Variants in STARD13 observed in about 807,000 individuals in gnomAD.
The protein encoded by STARD13 is stAR-related lipid transfer protein 13.
A neutral mutation model predicts 106.4 loss-of-function variants in STARD13; 62 were observed. That is an observed-to-expected ratio of 0.58 (90% CI 0.48 to 0.72). The LOEUF (loss-of-function observed/expected upper bound fraction) is 0.72. Among genes scored for constraint, STARD13 ranks in the 30% least tolerant of loss-of-function variants. The pLI is 0.00. For synonymous variants in STARD13, 565 were observed against 553.0 expected, an observed-to-expected ratio of 1.02 and a Z score of -0.31; for missense variants, 1,387 against 1,424.0, an observed-to-expected ratio of 0.97 and a Z score of 0.42.
chr13:33,552,272 C>T, the STARD13 span, among the ~76,000 whole-genome samples: 1 of 152,154 alleles, frequency 6.6e-6, no homozygotes, highest in South Asian at 2.1e-4. Context: ...TTAACACTTA[C>T]ACAACACGAT....
chr13:33,599,709 AGAGT>A, the STARD13 span, among the ~76,000 whole-genome samples: 23 of 152,318 alleles, frequency 1.5e-4, no homozygotes, highest in South Asian at 4.1e-3. Context: ...TATGAGAGAG[AGAGT>A]GAGAGGGAGA....
At chr13:33,465,865 T>C in the STARD13 span, among the ~76,000 whole-genome samples, 7 of 152,168 alleles carry the variant, frequency 4.6e-5, no homozygotes, top group East Asian at 1.9e-4. Context: ...CTTAGAAATA[T>C]GCTATCTCAT....
At chr13:33,308,520 CT>C (rs552526416) in intron 1 of STARD13, among the ~76,000 whole-genome samples, 1,232 of 88,600 alleles carry the variant, frequency 0.014, 15 homozygotes, top group African/African-American at 0.047. Context: ...CTTTTTCTTT[CT>C]TTTTTTTTTT....
chr13:33,118,541 ATGT>A (rs1875757640), intron 7 of STARD13, among the ~76,000 whole-genome samples: 1 of 152,166 alleles, frequency 6.6e-6, no homozygotes, highest in African/African-American at 2.4e-5. Context: ...CACACTGCAG[ATGT>A]TATTATTATT....
chr13:33,556,774 G>A, the STARD13 span, among the ~76,000 whole-genome samples: 1 of 151,752 alleles, frequency 6.6e-6, no homozygotes, highest in South Asian at 2.1e-4. Context: ...AACTTTTTTT[G>A]TGTGTTTGTG....
Position 33,112,825 on chromosome 13 carries a change from G to T in STARD13, c.2388C>A (p.Val796=), listed in dbSNP as rs755688487. 2 of 1,613,908 alleles carry T rather than the reference G, an allele frequency of 1.2e-6. No homozygotes were observed. Among genetic ancestry groups the T allele is most frequent in the Middle Eastern group, 1.7e-4 (1 of 6,060 alleles). Residue 796 remains valine (V), a synonymous_variant, in exon 9 of 14, where the codon GTC becomes GTA. Transcript: ENST00000336934. ...LQTLLCFLND[V]VNLVEENQMT... is the part of the protein sequence containing the mutation. ...TCTGATTCTCTTCCACCAAGTTGAC[G>T]ACGTCGTTCAGGAAACACAAGAGCG... is the stretch of plus-strand genomic sequence containing the variant.
chr13:33,506,531 C>T, the STARD13 span, among the ~76,000 whole-genome samples: 1 of 152,094 alleles, frequency 6.6e-6, no homozygotes, highest in African/African-American at 2.4e-5. Context: ...TGGTGTTGAT[C>T]CAAATGGATG....
At chr13:33,205,155 A>G (rs1321702274) in intron 1 of STARD13, among the ~76,000 whole-genome samples, 1 of 152,230 alleles carries the variant, frequency 6.6e-6, no homozygotes, top group Admixed American at 6.5e-5. Flanking sequence ...CAACAGCCCA[A>G]GTCCAACTTT....
the STARD13 span, among the ~76,000 whole-genome samples, chr13:33,594,622 G>C: frequency 6.6e-6 from 1 of 152,058 alleles, no homozygotes; most frequent in Non-Finnish European, 1.5e-5. Context: ...TCCATATCCA[G>C]AACTTTTTAC....
At chr13:33,247,368 C>T (rs543996524) in intron 1 of STARD13, among the ~76,000 whole-genome samples, 14 of 152,026 alleles carry the variant, frequency 9.2e-5, no homozygotes, top group East Asian at 5.8e-4. Context: ...ATTCAGCAGG[C>T]GATGGGGGCA....
chr13:33,219,463 G>A (rs1888220361), intron 1 of STARD13, among the ~76,000 whole-genome samples: 1 of 139,764 alleles, frequency 7.2e-6, no homozygotes, highest in African/African-American at 2.7e-5. Context: ...AGCTTGCAGT[G>A]AGCTGAGATT....
At chr13:33,146,142 T>C (rs1223187679) in intron 3 of STARD13, among the ~76,000 whole-genome samples, 1 of 152,168 alleles carries the variant, frequency 6.6e-6, no homozygotes, top group East Asian at 1.9e-4. Flanking sequence ...CTGACCAACA[T>C]GGTAAAACCC....
At chr13:33,204,690 T>G (rs946394629) in intron 1 of STARD13, among the ~76,000 whole-genome samples, 4 of 152,228 alleles carry the variant, frequency 2.6e-5, no homozygotes, top group African/African-American at 9.6e-5. Flanking sequence ...GCACCAGCTC[T>G]ATGTAAATGA....
intron 1 of STARD13, among the ~76,000 whole-genome samples, chr13:33,199,148 G>T (rs1886839467): frequency 6.6e-6 from 1 of 152,154 alleles, no homozygotes; most frequent in African/African-American, 2.4e-5. Context: ...GATGTTTCCA[G>T]GCCACATTTC....
rs1888695785 is a variant in STARD13, at chr13:33,227,683, T to A, written c.169+57787A>T. On this transcript the variant is annotated intron_variant, in intron 1 of 13. Coordinates refer to ENST00000336934, the MANE Select transcript of STARD13 (RefSeq NM_178006.4). ...GACCACTTTAACTTGGACATGACTA[T>A]GGAGGGGGTACAACAGGGAGGCAAG... Among the ~76,000 whole-genome samples, 3 of 152,230 alleles carry A rather than the reference T, an allele frequency of 2.0e-5. No individual in the cohort carries two copies. In the South Asian group the frequency reaches 6.2e-4, roughly 32 times the overall value.
At chr13:33,245,613 T>C (rs572961085) in intron 1 of STARD13, among the ~76,000 whole-genome samples, 82 of 152,338 alleles carry the variant, frequency 5.4e-4, no homozygotes, top group African/African-American at 1.9e-3. Context: ...AATTGTATAA[T>C]GTTCCCTGCT....
chr13:33,666,053 C>T, the STARD13 span, among the ~76,000 whole-genome samples: 2 of 152,118 alleles, frequency 1.3e-5, no homozygotes, highest in East Asian at 3.9e-4. Context: ...TGAGACTAGG[C>T]CATGTGGTAA....
At chr13:33,394,485 C>G in the STARD13 span, among the ~76,000 whole-genome samples, 2 of 152,182 alleles carry the variant, frequency 1.3e-5, no homozygotes. Flanking sequence ...TTGGACAGCC[C>G]TGCTCCAGAA....
At chr13:33,165,765 G>A (rs938542699) in intron 2 of STARD13, among the ~76,000 whole-genome samples, 5 of 152,262 alleles carry the variant, frequency 3.3e-5, no homozygotes, top group African/African-American at 1.2e-4. Flanking sequence ...GGTCACTGGC[G>A]TCTATCTTGA....
Sources: allele counts gnomAD v4.1 joint callset (sites outside exome capture counted in the v4.1 genomes callset), GRCh38; gene constraint gnomAD v4.1.1; transcripts MANE v1.5; gene names NCBI Gene and HGNC (gene_info 2026-07-23, HGNC 2026-07-21).